Variants in LRP1B observed in about 807,000 individuals in gnomAD.
LRP1B encodes LDL receptor related protein 1B.
A neutral mutation model predicts 556.6 loss-of-function variants in LRP1B; 217 were observed. That is an observed-to-expected ratio of 0.39 (90% CI 0.35 to 0.44). The LOEUF is 0.44. Ranked by LOEUF, LRP1B falls within the 20% of genes least tolerant of loss-of-function variation. LRP1B has a pLI of 1.00. For missense variants in LRP1B, 5,053 were observed against 5,620.8 expected (o/e 0.90, Z 3.23); for synonymous variants, 2,047 against 1,865.8 (o/e 1.10, Z -2.50).
At chr2:141,787,637 AT>A (rs1347830675) in intron 2 of LRP1B, among the ~76,000 whole-genome samples, 1 of 151,844 alleles carries the variant, frequency 6.6e-6, no homozygotes, top group Non-Finnish European at 1.5e-5. Context: ...GATAAAGAGA[AT>A]TTTCTAACTC....
intron 41 of LRP1B, among the ~76,000 whole-genome samples, chr2:140,651,905 T>C (rs756831488): frequency 1.3e-5 from 2 of 152,160 alleles, no homozygotes; most frequent in Non-Finnish European, 2.9e-5. Context: ...GGTTCTAACA[T>C]ATTACCTTCA....
intron 7 of LRP1B, among the ~76,000 whole-genome samples, chr2:141,126,205 T>G (rs549481021): frequency 2.6e-5 from 4 of 152,068 alleles, no homozygotes; most frequent in Non-Finnish European, 5.9e-5. Flanking sequence ...CTAATTTTTT[T>G]GTATTTTTAG....
chr2:140,953,122 A>C (rs745837175), intron 18 of LRP1B, among the ~76,000 whole-genome samples: 5 of 152,064 alleles, frequency 3.3e-5, no homozygotes, highest in Admixed American at 1.3e-4. Context: ...ATGGAGTCTC[A>C]CTCTGTGGCT....
At chr2:141,381,041 G>A (rs187486015) in intron 3 of LRP1B, among the ~76,000 whole-genome samples, 34 of 151,988 alleles carry the variant, frequency 2.2e-4, no homozygotes, top group African/African-American at 8.0e-4. Context: ...GAAAACATAT[G>A]AATATGTTTC....
At chr2:141,991,999 C>T (rs1306789470) in intron 1 of LRP1B, among the ~76,000 whole-genome samples, 1 of 152,112 alleles carries the variant, frequency 6.6e-6, no homozygotes, top group African/African-American at 2.4e-5. Flanking sequence ...TCTGTGGATG[C>T]TCAAGTCCCT....
chr2:141,811,009 T>C lies in LRP1B; in HGVS notation c.83-608A>G, dbSNP rs552167243. 1.0e-3 allele frequency among the ~76,000 whole-genome samples: 153 copies of C among 152,120 alleles called. 1 individual carries two copies. The highest frequency in any genetic ancestry group is 3.6e-3 in the African/African-American group (150 of 41,512). On this transcript the variant is annotated intron_variant, in intron 1 of 90. Transcript: ENST00000389484. ...ATAGTAAACTTCCATAAAGGTTTTT[T>C]TTCTAACTCAAATTTTCTACAGTTG...
intron 27 of LRP1B, among the ~76,000 whole-genome samples, chr2:140,854,866 G>A (rs1014559427): frequency 7.9e-5 from 12 of 152,096 alleles, no homozygotes; most frequent in South Asian, 4.2e-4. Context: ...TGATTACAGA[G>A]GCTATAAACT....
At chr2:141,843,560 C>G (rs1379667594) in intron 1 of LRP1B, among the ~76,000 whole-genome samples, 1 of 152,054 alleles carries the variant, frequency 6.6e-6, no homozygotes, top group South Asian at 2.1e-4. Context: ...ATTTGAATGA[C>G]TAAAAATAAC....
Position 141,795,899 on chromosome 2 carries a change from T to TATATATAA in LRP1B, c.205+14379_205+14380insTTATATAT, listed in dbSNP as rs1247641787. Reference sequence around the variant, plus strand: ...ATATATATATATATATATATATATATAATCTTTAAGCAAAATTTAACATGA... The same window carrying TATATATAA: ...ATATATATATATATATATATATATATATATATAAAATCTTTAAGCAAAATTTAACATGA... On this transcript the variant is annotated intron_variant, in intron 2 of 90. Coordinates refer to ENST00000389484, the MANE Select transcript of LRP1B (RefSeq NM_018557.3). 2.4e-3 allele frequency among the ~76,000 whole-genome samples: 188 copies of TATATATAA among 76,954 alleles called. 4 individuals are homozygous for TATATATAA. The highest frequency in any genetic ancestry group is 0.017 in the East Asian group (29 of 1,680). The allele number at this position is 76,954 out of a possible 152,430, so 50.5% of individuals were successfully genotyped here. A position where few individuals can be genotyped will look rare whatever the true frequency, so the allele number is the denominator to read the frequency against.
chr2:140,715,935 C>T (rs895003372), intron 37 of LRP1B, 38 bp downstream of exon 37: 1 of 1,470,554 alleles, frequency 6.8e-7, no homozygotes, highest in African/African-American at 1.4e-5. Flanking sequence ...AGAAAACTCA[C>T]ATAAAACTTG....
chr2:141,674,425 A>G (rs934828686), intron 2 of LRP1B, among the ~76,000 whole-genome samples: 4 of 152,040 alleles, frequency 2.6e-5, no homozygotes, highest in East Asian at 1.9e-4. Flanking sequence ...AGACCAATTT[A>G]TTTGCCACAA....
rs962872953 is a variant in LRP1B, at chr2:140,297,936, G to C, written c.12839C>G (p.Thr4280Ser). 6.2e-7 allele frequency: 1 copy of C among 1,613,220 alleles called. No homozygotes were observed. The highest frequency in any genetic ancestry group is 2.2e-5 in the East Asian group (1 of 44,844). Reference sequence around the variant, plus strand: ...GACTGTCTTACCACAGTTTGGCCCAGTGAAACCCAGTGCACAGCTGCAGGT... The same window carrying C: ...GACTGTCTTACCACAGTTTGGCCCACTGAAACCCAGTGCACAGCTGCAGGT... ...RPTCSCALGF[T>S]GPNCGKTVCE... The change falls in exon 84 of 91, where the codon ACT becomes AGT. Residue 4280 changes from threonine (T) to serine (S), a missense_variant. Physicochemically the swap from Thr to Ser is moderately conservative, Grantham distance 58. Transcript: ENST00000389484.
Position 140,822,956 on chromosome 2 carries a change from T to C in LRP1B, c.5210-9150A>G, listed in dbSNP as rs577079156. Among the ~76,000 whole-genome samples the C allele has an allele frequency of 1.5e-4, 23 of 152,358 alleles. No individual in the cohort carries two copies. The South Asian group carries it at 4.3e-3, about 29-fold the overall frequency. On this transcript the variant is annotated intron_variant, in intron 31 of 90. Transcript: ENST00000389484. ...CCAGAAATAATTGTTATGAGATGAT[T>C]AATGCAAAGCATTTTGAAAGTGGCT...
At chr2:140,355,901 T>C (rs1048677003) in intron 75 of LRP1B, among the ~76,000 whole-genome samples, 1 of 152,050 alleles carries the variant, frequency 6.6e-6, no homozygotes, top group African/African-American at 2.4e-5. Flanking sequence ...TACATTATGA[T>C]CTATTTAAAA....
chr2:140,401,003 TTCCTTATTAGATC>T (rs1310028424), intron 66 of LRP1B, among the ~76,000 whole-genome samples: 2 of 152,178 alleles, frequency 1.3e-5, no homozygotes, highest in African/African-American at 4.8e-5. Flanking sequence ...AGGGAAGCCA[TTCCTTATTAGATC>T]TCACAGGGAA....
At chr2:141,550,923 C>G (rs1685727834) in intron 2 of LRP1B, among the ~76,000 whole-genome samples, 1 of 151,796 alleles carries the variant, frequency 6.6e-6, no homozygotes, top group Non-Finnish European at 1.5e-5. Context: ...TGTAATTTTA[C>G]CAAGAGAAAA....
At chr2:140,952,689 A>AAT (rs1266357098) in intron 18 of LRP1B, among the ~76,000 whole-genome samples, 1 of 152,180 alleles carries the variant, frequency 6.6e-6, no homozygotes, top group African/African-American at 2.4e-5. Context: ...GCCAATTTGA[A>AAT]TATCAATAAA....
intron 2 of LRP1B, among the ~76,000 whole-genome samples, chr2:141,753,294 T>C (rs1694194586): frequency 3.8e-5 from 2 of 52,172 alleles, no homozygotes; most frequent in African/African-American, 7.0e-5. Flanking sequence ...CCCAGATGAT[T>C]CCCATGTGCA....
At chr2:140,602,942 C>A (rs546744396) in intron 41 of LRP1B, among the ~76,000 whole-genome samples, 1 of 151,830 alleles carries the variant, frequency 6.6e-6, no homozygotes, top group Non-Finnish European at 1.5e-5. Context: ...AGTCACAGGG[C>A]TGATAATATT....
Sources: gnomAD v4.1 joint callset for allele counts (sites outside exome capture counted in the v4.1 genomes callset) on GRCh38, gnomAD v4.1.1 for gene constraint, MANE v1.5 for transcripts, NCBI Gene and HGNC (gene_info 2026-07-23, HGNC 2026-07-21) for gene names.